KHDC4: variants seen among roughly 807,000 people sequenced by gnomAD.
KHDC4 encodes KH domain containing 4, pre-mRNA splicing factor, also known as KH homology domain-containing protein 4.
A neutral mutation model predicts 74.5 loss-of-function variants in KHDC4; 19 were observed. The observed-to-expected ratio is 0.26, with a 90% CI of 0.18 to 0.37. The LOEUF (loss-of-function observed/expected upper bound fraction) is 0.37, where lower values mean the gene tolerates loss of function less well. Ranked by LOEUF, KHDC4 falls within the 10% of genes least tolerant of loss-of-function variation. The pLI is 1.00. For missense variants in KHDC4, 632 were observed against 754.1 expected, an observed-to-expected ratio of 0.84 and a Z score of 1.90; for synonymous variants, 253 against 266.1, an observed-to-expected ratio of 0.95 and a Z score of 0.48.
intron 5 of KHDC4, 62 bp downstream of exon 5, chr1:155,927,042 A>C: frequency 6.6e-7 from 1 of 1,505,446 alleles, no homozygotes; most frequent in East Asian, 2.3e-5. Context: ...CCAACTTGCT[A>C]TACAGAGCCC....
At chr1:155,925,190 C>A (rs1204138222) in intron 7 of KHDC4, among the ~76,000 whole-genome samples, 1 of 152,078 alleles carries the variant, frequency 6.6e-6, no homozygotes, top group Non-Finnish European at 1.5e-5. Context: ...CCACACCCGG[C>A]TAATTTTTTT....
At chr1:155,930,953 A>T (rs970297643) in intron 2 of KHDC4, among the ~76,000 whole-genome samples, 2 of 152,050 alleles carry the variant, frequency 1.3e-5, no homozygotes, top group Non-Finnish European at 2.9e-5. Context: ...AGAGGTTGCA[A>T]TGAGCCGAGA....
chr1:155,919,645 C>T (rs1344300772), intron 10 of KHDC4, among the ~76,000 whole-genome samples: 1 of 152,098 alleles, frequency 6.6e-6, no homozygotes, highest in East Asian at 1.9e-4. Context: ...CCCATCTCCA[C>T]TAAAAATACA....
At chr1:155,928,915 G>A (rs1221587599) in intron 4 of KHDC4, among the ~76,000 whole-genome samples, 3 of 143,594 alleles carry the variant, frequency 2.1e-5, no homozygotes. Flanking sequence ...TCACGCCACT[G>A]CACTATAGCC....
intron 8 of KHDC4, chr1:155,922,142 A>G: frequency 3.7e-6 from 1 of 271,190 alleles, no homozygotes; most frequent in Non-Finnish European, 6.7e-6. Flanking sequence ...TATCACTGCA[A>G]ATCTTTTTTT....
At chr1:155,914,936 TA>T (rs1299186884) in intron 13 of KHDC4, 1 of 152,322 alleles carries the variant, frequency 6.6e-6, no homozygotes, top group East Asian at 1.9e-4. Flanking sequence ...TACCACTCAT[TA>T]CTATTCACTG....
At chr1:155,927,867 CACACACAA>C (rs1280406507) in intron 4 of KHDC4, among the ~76,000 whole-genome samples, 3,150 of 41,828 alleles carry the variant, frequency 0.075, 205 homozygotes, top group East Asian at 0.48. Context: ...CACACACACA[CACACACAA>C]AATTAATGGG....
chr1:155,916,698 A>C lies in KHDC4; in HGVS notation c.1480T>G (p.Ser494Ala). 1 of 1,614,028 alleles carries C rather than the reference A, an allele frequency of 6.2e-7. No individual in the cohort carries two copies. The highest frequency in any genetic ancestry group is 8.5e-7 in the Non-Finnish European group (1 of 1,179,998). ...GCACCTTCAATCTCATTCTGACTGG[A>C]GAAGCCTGTACCTAAATTAGTCATA... is the stretch of plus-strand genomic sequence containing the variant. ...IHMTNLGTGF[S>A]SQNEIEGAGS... Residue 494 changes from serine to alanine, a missense_variant, in exon 12 of 14, where the codon TCC (serine) becomes GCC (alanine). By Grantham distance (99) the Ser-to-Ala change is moderately conservative. Around this residue, in one of 4 missense-constraint regions of KHDC4, gnomAD observed 254 missense variants for 267.4 expected, o/e 0.95. Transcript: ENST00000368321.
intron 4 of KHDC4, among the ~76,000 whole-genome samples, chr1:155,928,795 A>G (rs1674080827): frequency 6.6e-6 from 1 of 151,486 alleles, no homozygotes; most frequent in African/African-American, 2.4e-5. Flanking sequence ...TACTAAAAAT[A>G]CAAAAAATTA....
At chr1:155,924,766 G>A (rs1416002246) in intron 7 of KHDC4, among the ~76,000 whole-genome samples, 1 of 151,216 alleles carries the variant, frequency 6.6e-6, no homozygotes, top group Non-Finnish European at 1.5e-5. Flanking sequence ...GAGAGTCAGG[G>A]TTTCACCATG....
intron 2 of KHDC4, among the ~76,000 whole-genome samples, chr1:155,931,063 T>C (rs1181267114): frequency 6.6e-6 from 1 of 151,726 alleles, no homozygotes; most frequent in Non-Finnish European, 1.5e-5. Context: ...GGCTCACATC[T>C]GTAATCCTAG....
chr1:155,925,810 G>A lies in KHDC4; in HGVS notation c.715C>T (p.Leu239=). The A allele has an allele frequency of 6.2e-7, 1 of 1,613,846 alleles. No individual in the cohort carries two copies. The highest frequency in any genetic ancestry group is 8.5e-7 in the Non-Finnish European group (1 of 1,179,752). ...HYVQDKLFVG[L]EHAVPTFNVK... ...TTAAAAGTGGGTACAGCATGTTCTA[G>A]ACCCACAAATAATTTATCTTGAACA... Residue 239 remains leucine (L), a synonymous_variant, in exon 7 of 14, where the codon CTA becomes TTA. Coordinates refer to ENST00000368321, the MANE Select transcript of KHDC4 (RefSeq NM_014949.4).
At chr1:155,915,744 T>G (rs1673717496) in intron 13 of KHDC4, 129 bp downstream of exon 13, 1 of 590,478 alleles carries the variant, frequency 1.7e-6, no homozygotes, top group Admixed American at 3.0e-5. Flanking sequence ...TGACCTTAGG[T>G]GATCTGCCCA....
chr1:155,927,020 A>G, intron 5 of KHDC4, 84 bp downstream of exon 5: 8 of 1,403,710 alleles, frequency 5.7e-6, no homozygotes, highest in Non-Finnish European at 8.1e-6. Context: ...AACAGCCATC[A>G]GGGACACTTT....
intron 8 of KHDC4, among the ~76,000 whole-genome samples, chr1:155,922,987 C>A (rs1326166306): frequency 6.6e-6 from 1 of 152,036 alleles, no homozygotes; most frequent in Non-Finnish European, 1.5e-5. Context: ...AGGCGGATCA[C>A]GAGGTCAGGA....
chr1:155,926,025 T>C (rs956707216), intron 6 of KHDC4, 182 bp from the exon 7 acceptor site: 2 of 757,624 alleles, frequency 2.6e-6, no homozygotes, highest in African/African-American at 1.7e-5. Flanking sequence ...AACCCTTTTT[T>C]CTAGGAGGAA....
At chr1:155,924,673 A>G (rs1199656068) in intron 7 of KHDC4, among the ~76,000 whole-genome samples, 3 of 149,640 alleles carry the variant, frequency 2.0e-5, no homozygotes, top group African/African-American at 7.4e-5. Flanking sequence ...TCCAGGGTTC[A>G]AGCAATTCTC....
chr1:155,923,924 TAA>T (rs1557968822), intron 7 of KHDC4, among the ~76,000 whole-genome samples: 1 of 152,228 alleles, frequency 6.6e-6, no homozygotes, highest in Non-Finnish European at 1.5e-5. Context: ...CTTCTCGATA[TAA>T]AAATGTTTAA....
intron 12 of KHDC4, 104 bp from the exon 13 acceptor site, chr1:155,916,068 C>T: frequency 1.3e-6 from 1 of 744,840 alleles, no homozygotes; most frequent in South Asian, 1.7e-5. Flanking sequence ...CCTTCAAATT[C>T]ATTTTAACCA....
Sources: allele counts gnomAD v4.1 joint callset (sites outside exome capture counted in the v4.1 genomes callset), GRCh38; gene constraint gnomAD v4.1.1; regional missense constraint gnomAD v4.1.1; transcripts MANE v1.5; gene names NCBI Gene and HGNC (gene_info 2026-07-23, HGNC 2026-07-21).